SMARCC1: variants seen among roughly 807,000 people sequenced by gnomAD.
SMARCC1 encodes SWI/SNF complex subunit SMARCC1.
A neutral mutation model predicts 147.4 loss-of-function variants in SMARCC1; 43 were observed. The ratio of observed to expected loss-of-function variants is 0.29; its 90% CI spans 0.23 to 0.38. The LOEUF is 0.38. SMARCC1 is among the 10% of genes least tolerant of loss of function. The probability of loss-of-function intolerance (pLI) is 1.00; values close to 1 mark genes in which losing one functional copy is unlikely to be tolerated. For missense variants in SMARCC1, 1,119 were observed against 1,381.1 expected (o/e 0.81, Z 3.01); for synonymous variants, 495 against 484.4 (o/e 1.02, Z -0.29).
At chr3:47,645,982 T>C (rs1380244045) in intron 21 of SMARCC1, among the ~76,000 whole-genome samples, 2 of 152,188 alleles carry the variant, frequency 1.3e-5, no homozygotes, top group East Asian at 1.9e-4. Flanking sequence ...TCCCGCTATG[T>C]TGCTCAGACC....
intron 21 of SMARCC1, 33 bp from the exon 22 acceptor site, chr3:47,638,813 A>G: frequency 1.3e-6 from 2 of 1,490,930 alleles, no homozygotes; most frequent in Non-Finnish European, 9.4e-7. Context: ...AAGTACTCCA[A>G]TGTGGAAAAA....
intron 25 of SMARCC1, among the ~76,000 whole-genome samples, chr3:47,617,875 G>A (rs1392738874): frequency 1.3e-5 from 2 of 152,208 alleles, no homozygotes; most frequent in Non-Finnish European, 2.9e-5. Context: ...GGATGTGGCA[G>A]AAGGGATGTG....
intron 26 of SMARCC1, among the ~76,000 whole-genome samples, chr3:47,600,484 A>G (rs2032365205): frequency 6.6e-6 from 1 of 152,158 alleles, no homozygotes; most frequent in Non-Finnish European, 1.5e-5. Flanking sequence ...TAGTAAGATG[A>G]TGGTAAGGGC....
intron 8 of SMARCC1, among the ~76,000 whole-genome samples, chr3:47,713,166 G>T (rs1461435350): frequency 6.6e-6 from 1 of 151,622 alleles, no homozygotes; most frequent in Non-Finnish European, 1.5e-5. Context: ...ACTAAAAAAA[G>T]AAAAATTAGC....
At chr3:47,760,670 C>A (rs1302167791) in intron 2 of SMARCC1, among the ~76,000 whole-genome samples, 1 of 151,872 alleles carries the variant, frequency 6.6e-6, no homozygotes, top group Non-Finnish European at 1.5e-5. Flanking sequence ...TCTCAAAAAA[C>A]AACAACAAAA....
rs1043763795 is a variant in SMARCC1 at position 47,680,378 on chromosome 3, T to C, written c.1457+59A>G. On this transcript the variant is annotated intron_variant, in intron 15 of 27. Coordinates refer to ENST00000254480, the MANE Select transcript of SMARCC1 (RefSeq NM_003074.4). ...AGCAATAAGGAACTCAGGTGGATGC[T>C]TGAAGAGCCCCTACCGCACACAGGC... 78 of 1,158,112 alleles carry C rather than the reference T, an allele frequency of 6.7e-5. No homozygotes were observed. The East Asian group carries it at 1.5e-3, about 22-fold the overall frequency. The allele number at this position is 1,158,112 out of a possible 1,614,324, so 71.7% of individuals were successfully genotyped here.
chr3:47,625,267 TTGGCCAACA>T (rs1488417780), intron 24 of SMARCC1, among the ~76,000 whole-genome samples: 2 of 151,174 alleles, frequency 1.3e-5, no homozygotes, highest in African/African-American at 4.9e-5. Context: ...TGATACCAGC[TTGGCCAACA>T]TGGCAAAATC....
At chr3:47,725,460 A>T (rs181547482) in intron 6 of SMARCC1, among the ~76,000 whole-genome samples, 1,776 of 151,732 alleles carry the variant, frequency 0.012, 23 homozygotes, top group African/African-American at 0.036. Flanking sequence ...ATATATATAT[A>T]TTTTTTTGGA....
At chr3:47,740,045 T>C (rs892373922) in intron 3 of SMARCC1, among the ~76,000 whole-genome samples, 5 of 149,184 alleles carry the variant, frequency 3.4e-5, no homozygotes, top group Non-Finnish European at 7.4e-5. Flanking sequence ...CCCAGGTATT[T>C]AATAAGTAGA....
Position 47,653,531 on chromosome 3 carries a change from G to A in SMARCC1, c.2320+7763C>T, listed in dbSNP as rs1017683638. ...TCCTATATCACTCGGTTTCAAATCA[G>A]TGTGCTATGCAATAAGGCAGTATTT... On this transcript the variant is annotated intron_variant, in intron 21 of 27. Transcript: ENST00000254480. Among the ~76,000 whole-genome samples the A allele has an allele frequency of 5.9e-5, 9 of 152,138 alleles. No individual in the cohort carries two copies. The South Asian group carries it at 1.4e-3, about 24-fold the overall frequency.
At chr3:47,754,319 G>A (rs1259990762) in intron 2 of SMARCC1, among the ~76,000 whole-genome samples, 3 of 151,470 alleles carry the variant, frequency 2.0e-5, no homozygotes, top group Non-Finnish European at 4.4e-5. Context: ...TCTCCTGCCT[G>A]AGCCTCCTCA....
chr3:47,601,104 T>A (rs1170403047), intron 26 of SMARCC1, among the ~76,000 whole-genome samples: 1 of 146,700 alleles, frequency 6.8e-6, no homozygotes, highest in Non-Finnish European at 1.5e-5. Flanking sequence ...CTGACCTACA[T>A]ACAAGCTTTT....
intron 19 of SMARCC1, among the ~76,000 whole-genome samples, chr3:47,668,885 T>TAAAA (rs751000969): frequency 7.3e-6 from 1 of 136,524 alleles, no homozygotes; most frequent in African/African-American, 2.7e-5. Flanking sequence ...AACCCTGTCT[T>TAAAA]AAAAAAAAAA....
Position 47,610,301 on chromosome 3 carries a change from A to G in SMARCC1, c.2808T>C (p.Leu936=). Residue 936 remains leucine (L), a synonymous_variant, in exon 26 of 28, where the codon CTT becomes CTC. Transcript: ENST00000254480. ...EALEQQRQQL[L]TERQNFHMEQ... is the part of the protein sequence containing the mutation. ...CCATGTGGAAGTTTTGGCGTTCAGT[A>G]AGCAACTGCTGCCTCTGTTGTTCTA... is the stretch of plus-strand genomic sequence containing the variant. 1 of 1,614,216 alleles carries G rather than the reference A, an allele frequency of 6.2e-7. No individual in the cohort carries two copies. Among genetic ancestry groups the G allele is most frequent in the South Asian group, 1.1e-5 (1 of 91,092 alleles).
chr3:47,614,527 T>G (rs1190439095), intron 25 of SMARCC1, among the ~76,000 whole-genome samples: 1 of 152,254 alleles, frequency 6.6e-6, no homozygotes, highest in Non-Finnish European at 1.5e-5. Flanking sequence ...TGCTGTTCTT[T>G]CTTCCTCAGT....
At chr3:47,685,067 C>A (rs967834288) in intron 14 of SMARCC1, among the ~76,000 whole-genome samples, 4 of 152,152 alleles carry the variant, frequency 2.6e-5, no homozygotes, top group Admixed American at 6.6e-5. Flanking sequence ...TTAAAGGAAG[C>A]GCTTTATACA....
chr3:47,593,560 A>G (rs1286965427), intron 26 of SMARCC1, among the ~76,000 whole-genome samples: 2 of 152,222 alleles, frequency 1.3e-5, no homozygotes, highest in East Asian at 3.8e-4. Flanking sequence ...TAGGGACTTT[A>G]CTATCTATGT....
At chr3:47,670,479 G>A in intron 19 of SMARCC1, 179 bp downstream of exon 19, 1 of 593,660 alleles carries the variant, frequency 1.7e-6, no homozygotes, top group Non-Finnish European at 3.0e-6. Context: ...CAGCTATTCA[G>A]GACTGAAGGT....
chr3:47,633,016 A>G (rs893483627), intron 24 of SMARCC1, among the ~76,000 whole-genome samples: 1 of 151,744 alleles, frequency 6.6e-6, no homozygotes, highest in Non-Finnish European at 1.5e-5. Flanking sequence ...GAGACAGACT[A>G]GTGATTACTC....
Sources: gnomAD v4.1 joint callset for allele counts (sites outside exome capture counted in the v4.1 genomes callset) on GRCh38, gnomAD v4.1.1 for gene constraint, MANE v1.5 for transcripts, NCBI Gene and HGNC (gene_info 2026-07-23, HGNC 2026-07-21) for gene names.